The following CSRP3 variants were observed in gnomAD, a reference collection of about 807,000 sequenced individuals.
The protein encoded by CSRP3 is cysteine and glycine-rich protein 3.
Under a neutral mutation model 24.3 loss-of-function variants are expected in CSRP3, and 24 were observed. The ratio of observed to expected loss-of-function variants is 0.99; its 90% confidence interval spans 0.71 to 1.39. CSRP3 has a LOEUF of 1.39. CSRP3 is among the 40% of genes most tolerant of loss of function. The pLI is 0.00. For synonymous variants in CSRP3, 105 were observed against 94.0 expected (o/e 1.12, Z -0.68); for missense variants, 240 against 249.0 (o/e 0.96, Z 0.24).
At chr11:19,182,782 C>G (rs773875522) in intron 5 of CSRP3, 36 bp from the exon 6 acceptor site, 7 of 1,470,324 alleles carry the variant, frequency 4.8e-6, no homozygotes, top group Non-Finnish European at 6.7e-6. Flanking sequence ...AGAGACAATG[C>G]ATTGGTTAGT....
rs116466740 is a variant in CSRP3, at chr11:19,191,863, T to C, written c.112+474A>G. 7.0e-3 allele frequency among the ~76,000 whole-genome samples: 1,056 copies of C among 151,936 alleles called. 6 individuals are homozygous for C. The highest frequency in any genetic ancestry group is 0.022 in the African/African-American group (919 of 41,412). The stretch of plus-strand genomic sequence containing the variant: ...CCCTCTCTGACTCTTACATACAGAG[T>C]TGGCATGTGTTGCCCCCCTGCCTGA... On this transcript the variant is annotated intron_variant, in intron 2 of 5. Coordinates refer to ENST00000265968, the MANE Select transcript of CSRP3 (RefSeq NM_003476.5).
intron 1 of CSRP3, among the ~76,000 whole-genome samples, chr11:19,197,620 C>A (rs999854865): frequency 6.9e-5 from 10 of 145,092 alleles, no homozygotes; most frequent in Admixed American, 1.4e-4. Flanking sequence ...TGAGTTAGGG[C>A]AAAAGTGGTG....
chr11:19,199,188 G>A (rs11025054), intron 1 of CSRP3, among the ~76,000 whole-genome samples: 35,170 of 151,682 alleles, frequency 0.23, 4,318 homozygotes, highest in African/African-American at 0.31. Context: ...GCCTAGCCAG[G>A]GGCCCTGTAG....
At chr11:19,196,665 G>A (rs1045637100) in intron 1 of CSRP3, 2 of 152,156 alleles carry the variant, frequency 1.3e-5, no homozygotes, top group African/African-American at 4.8e-5. Flanking sequence ...ACTGGCAAGG[G>A]TCATTGAAGG....
Position 19,186,294 on chromosome 11 carries a change from C to G in CSRP3, c.336G>C (p.Ala112=), listed in dbSNP as rs13451. Residue 112 remains alanine, a synonymous_variant, in exon 4 of 6, where the codon GCG becomes GCC. Transcript: ENST00000265968. ...GGCACTTCTCGGACTCTCCAAACTT[C>G]GCAGTGAATTTGGAAGGGTTGCTGG... ...VTTSNPSKFT[A]KFGESEKCPR... 4 of 1,614,146 alleles carry G rather than the reference C, an allele frequency of 2.5e-6. No homozygotes were observed. In the East Asian group the frequency reaches 8.9e-5, roughly 36 times the overall value.
intron 1 of CSRP3, chr11:19,196,803 G>A (rs755646852): frequency 3.3e-5 from 5 of 152,202 alleles, no homozygotes; most frequent in Admixed American, 2.6e-4. Flanking sequence ...AAGACAAATC[G>A]TGGGTCAAGA....
intron 1 of CSRP3, among the ~76,000 whole-genome samples, chr11:19,193,843 G>A (rs112996135): frequency 1.3e-5 from 2 of 152,164 alleles, no homozygotes; most frequent in East Asian, 3.9e-4. Flanking sequence ...AAATAAAATA[G>A]TAATAATAAT....
chr11:19,193,852 A>G (rs1850653829), intron 1 of CSRP3, among the ~76,000 whole-genome samples: 1 of 152,208 alleles, frequency 6.6e-6, no homozygotes, highest in Non-Finnish European at 1.5e-5. Flanking sequence ...AGTAATAATA[A>G]TTGTCCTCAT....
At chr11:19,197,967 A>AC (rs1456821343) in intron 1 of CSRP3, among the ~76,000 whole-genome samples, 5 of 152,138 alleles carry the variant, frequency 3.3e-5, no homozygotes, top group Non-Finnish European at 5.9e-5. Context: ...TATAACATTT[A>AC]CTTTACAGAT....
rs533808366 is a variant in CSRP3, at chr11:19,198,430, A to C, written c.-29+3524T>G. 3.9e-5 allele frequency among the ~76,000 whole-genome samples: 6 copies of C among 152,352 alleles called. No homozygotes were observed. The East Asian group carries it at 1.2e-3, about 29-fold the overall frequency. On this transcript the variant is annotated intron_variant, in intron 1 of 5. Coordinates refer to ENST00000265968, the MANE Select transcript of CSRP3 (RefSeq NM_003476.5). ...ACTAACAGGGAAACTGAATTCATTC[A>C]CTGAAATCAATGACTTTCTGAGTTA...
intron 5 of CSRP3, among the ~76,000 whole-genome samples, chr11:19,184,147 A>G (rs573848616): frequency 3.9e-5 from 6 of 152,320 alleles, no homozygotes; most frequent in Non-Finnish European, 7.3e-5. Flanking sequence ...TATGACTTAT[A>G]AAGTCTTCTC....
At chr11:19,199,226 C>T (rs1008097335) in intron 1 of CSRP3, among the ~76,000 whole-genome samples, 3 of 152,062 alleles carry the variant, frequency 2.0e-5, no homozygotes, top group African/African-American at 4.8e-5. Context: ...CTTCAGTTCT[C>T]GGTGTAGGAC....
intron 2 of CSRP3, among the ~76,000 whole-genome samples, chr11:19,191,318 G>A (rs1218353714): frequency 1.3e-5 from 2 of 152,172 alleles, no homozygotes; most frequent in African/African-American, 4.8e-5. Flanking sequence ...ATGGAGTCCA[G>A]CCCTTGGAGT....
intron 1 of CSRP3, among the ~76,000 whole-genome samples, chr11:19,193,216 C>T (rs1293154306): frequency 1.3e-5 from 2 of 152,224 alleles, no homozygotes; most frequent in African/African-American, 2.4e-5. Flanking sequence ...CCTCTACCTG[C>T]TGTTCATATC....
At chr11:19,191,972 A>G (rs1465934212) in intron 2 of CSRP3, among the ~76,000 whole-genome samples, 1 of 152,238 alleles carries the variant, frequency 6.6e-6, no homozygotes, top group Non-Finnish European at 1.5e-5. Flanking sequence ...AGCCAAATCC[A>G]TCCTGGCTTC....
intron 1 of CSRP3, among the ~76,000 whole-genome samples, chr11:19,201,297 A>C (rs879059055): frequency 6.6e-6 from 1 of 152,254 alleles, no homozygotes; most frequent in Admixed American, 6.5e-5. Context: ...ATTAAAAGCA[A>C]ACTTGTTGCT....
At chr11:19,186,490 T>A in intron 3 of CSRP3, 142 bp from the exon 4 acceptor site, 1 of 1,124,190 alleles carries the variant, frequency 8.9e-7, no homozygotes, top group Non-Finnish European at 1.3e-6. Context: ...GGTGTCTTTC[T>A]CATAGCGTTG....
chr11:19,191,073 C>G (rs1850605954), intron 2 of CSRP3, among the ~76,000 whole-genome samples: 1 of 152,076 alleles, frequency 6.6e-6, no homozygotes, highest in African/African-American at 2.4e-5. Context: ...CATATCAAGA[C>G]CCCCCAGTTT....
Position 19,182,762 on chromosome 11 carries a change from G to A in CSRP3, c.509-16C>T, listed in dbSNP as rs371700321. ...GCATAGCAAACTGTGAATGAGAAGA[G>A]GATGAAGGGAGAGACAATGCATTGG... On this transcript the variant is annotated splice_polypyrimidine_tract_variant and intron_variant, in intron 5 of 5. Coordinates refer to ENST00000265968, the MANE Select transcript of CSRP3 (RefSeq NM_003476.5). 12 of 1,597,442 alleles carry A rather than the reference G, an allele frequency of 7.5e-6. No individual in the cohort carries two copies. Among genetic ancestry groups the A allele is most frequent in the African/African-American group, 2.7e-5 (2 of 74,544 alleles).
Sources: allele counts gnomAD v4.1 joint callset (sites outside exome capture counted in the v4.1 genomes callset), GRCh38; gene constraint gnomAD v4.1.1; transcripts MANE v1.5; gene names NCBI Gene and HGNC (gene_info 2026-07-23, HGNC 2026-07-21).